ZNF614: variants seen among roughly 807,000 people sequenced by gnomAD.
ZNF614 encodes zinc finger protein 614.
ZNF614 carries 11 observed loss-of-function variants against 12.8 expected under a neutral mutation model. The ratio of observed to expected loss-of-function variants is 0.86; its 90% confidence interval spans 0.54 to 1.43. The LOEUF is 1.43. Ranked by LOEUF, ZNF614 falls within the 40% of genes most tolerant of loss-of-function variation. The pLI is 0.00. For synonymous variants in ZNF614, 237 were observed against 237.5 expected, an observed-to-expected ratio of 1.00 and a Z score of 0.02; for missense variants, 664 against 708.8, an observed-to-expected ratio of 0.94 and a Z score of 0.72.
Position 52,016,110 on chromosome 19 carries a change from A to C in ZNF614, c.1488T>G (p.Tyr496Ter). The stretch of plus-strand genomic sequence containing the variant: ...GAATTCTCTGATGGGTAATGAGGCC[A>C]TATTTGTGTGAATAGGATTTTCCGC... ...TECGKSYSHK[Y>*]GLITHQRIHT... is the part of the protein sequence containing the mutation. The change falls in exon 5 of 5, where the codon TAT becomes TAG. Residue 496 changes from tyrosine (Y) to a stop codon, truncating the protein, a stop_gained. Transcript: ENST00000270649. LOFTEE classifies it low-confidence loss of function (END_TRUNC). The C allele has an allele frequency of 6.2e-7, 1 of 1,614,032 alleles. No individual in the cohort carries two copies. The highest frequency in any genetic ancestry group is 2.2e-5 in the East Asian group (1 of 44,854).
At position 52,016,123 on chromosome 19, in the gene ZNF614, T is replaced by C. The variant is rs772321022; in HGVS notation, c.1475A>G (p.Tyr492Cys). 24 of 1,613,974 alleles carry C rather than the reference T, an allele frequency of 1.5e-5. No homozygotes were observed. The highest frequency in any genetic ancestry group is 9.3e-5 in the African/African-American group (7 of 74,882). ...PFVCTECGKS[Y>C]SHKYGLITHQ... Reference sequence around the variant, plus strand: ...GGTAATGAGGCCATATTTGTGTGAATAGGATTTTCCGCACTCGGTACATAC... The same window carrying C: ...GGTAATGAGGCCATATTTGTGTGAACAGGATTTTCCGCACTCGGTACATAC... The change falls in exon 5 of 5, where the codon TAT becomes TGT. Residue 492 changes from tyrosine (Y) to cysteine (C), a missense_variant. Tyr to Cys is a radical substitution (Grantham distance 194). Transcript: ENST00000270649.
intron 2 of ZNF614, among the ~76,000 whole-genome samples, chr19:52,019,592 A>C (rs1158554579): frequency 6.6e-6 from 1 of 152,228 alleles, no homozygotes; most frequent in Non-Finnish European, 1.5e-5. Flanking sequence ...ACCTACAAAG[A>C]AATAACAAAA....
intron 2 of ZNF614, among the ~76,000 whole-genome samples, chr19:52,022,765 C>T (rs935739089): frequency 6.6e-6 from 1 of 152,068 alleles, no homozygotes; most frequent in South Asian, 2.1e-4. Flanking sequence ...ACCTATGGTA[C>T]CTAGTTAATA....
rs756888439 is a variant in ZNF614, at chr19:52,016,911, T to C, written c.687A>G (p.Gln229=). 5.0e-6 allele frequency: 8 copies of C among 1,614,084 alleles called. 1 individual carries two copies. The highest frequency in any genetic ancestry group is 3.3e-5 in the South Asian group (3 of 91,080). Residue 229 remains glutamine, a synonymous_variant, in exon 5 of 5, where the codon CAA becomes CAG. Coordinates refer to ENST00000270649, the MANE Select transcript of ZNF614 (RefSeq NM_025040.4). ...CACATTGACCACTTCCAGGATTCTCTTGTATACAAATGTTCTCATGGTAAA... is the reference window on the plus strand; with the variant it reads ...CACATTGACCACTTCCAGGATTCTCCTGTATACAAATGTTCTCATGGTAAA... The part of the protein sequence containing the change: ...QLIYHENICI[Q]ENPGSGQCEK...
intron 2 of ZNF614, among the ~76,000 whole-genome samples, chr19:52,022,437 G>C (rs570503284): frequency 6.6e-6 from 1 of 152,208 alleles, no homozygotes; most frequent in East Asian, 1.9e-4. Flanking sequence ...CCCCCGCAAC[G>C]TCTGGGAAGT....
Position 52,025,889 on chromosome 19 carries a change from G to A in ZNF614, c.-144C>T. ...GTCCCCAGAAATTATGATATCCAAG[G>A]CCAGCAACCTCCTTCTTCTTCCTTC... On this transcript the variant is annotated 5_prime_UTR_variant, in exon 2 of 5. Coordinates refer to ENST00000270649, the MANE Select transcript of ZNF614 (RefSeq NM_025040.4). The A allele has an allele frequency of 1.2e-6, 1 of 811,944 alleles. No homozygotes were observed. The highest frequency in any genetic ancestry group is 1.7e-5 in the African/African-American group (1 of 57,626). 50.3% of individuals were successfully genotyped at this position (811,944 alleles called of 1,614,324 possible).
rs1655217336 is a variant in ZNF614 at position 52,015,821 on chromosome 19, G to C, written c.*19C>G. On this transcript the variant is annotated 3_prime_UTR_variant, in exon 5 of 5. Coordinates refer to ENST00000270649, the MANE Select transcript of ZNF614 (RefSeq NM_025040.4). The stretch of plus-strand genomic sequence containing the variant: ...ATTTCCATAGTCACGGCACTAGTAG[G>C]GTTTTCTTCTGCATGAGTTCACTTA... 1.3e-6 allele frequency: 2 copies of C among 1,582,972 alleles called. No homozygotes were observed. Among genetic ancestry groups the C allele is most frequent in the Admixed American group, 1.8e-5 (1 of 55,610 alleles).
At chr19:52,024,629 G>A (rs1047891570) in intron 2 of ZNF614, among the ~76,000 whole-genome samples, 2 of 152,192 alleles carry the variant, frequency 1.3e-5, no homozygotes, top group Non-Finnish European at 2.9e-5. Context: ...CCCTGTGCTC[G>A]CAGAAATATG....
chr19:52,024,619 C>A (rs1330528437), intron 2 of ZNF614, among the ~76,000 whole-genome samples: 1 of 152,204 alleles, frequency 6.6e-6, no homozygotes, highest in African/African-American at 2.4e-5. Flanking sequence ...GTAGCCCTAA[C>A]CCTGTGCTCG....
Position 52,018,057 on chromosome 19 carries a change from T to C in ZNF614, c.189A>G (p.Gly63=), listed in dbSNP as rs2086911439. Residue 63 remains glycine (G), a synonymous_variant, in exon 4 of 5, where the codon GGA becomes GGG. Transcript: ENST00000270649. ...TAGCATCTGTTGTCCATGGTTCTTG[T>C]CCATGTGCCAACTTGGAGAGTACAT... ...KPDVLSKLAH[G]QEPWTTDAKI... is the part of the protein sequence containing the mutation. 3.7e-6 allele frequency: 6 copies of C among 1,614,116 alleles called. No individual in the cohort carries two copies. Among genetic ancestry groups the C allele is most frequent in the Non-Finnish European group, 5.1e-6 (6 of 1,179,984 alleles).
At chr19:52,018,720 A>G (rs1336560831) in intron 2 of ZNF614, among the ~76,000 whole-genome samples, 10 of 152,186 alleles carry the variant, frequency 6.6e-5, no homozygotes, top group Non-Finnish European at 8.8e-5. Context: ...TACATTACCA[A>G]TGACTTCACA....
Position 52,016,748 on chromosome 19 carries a change from C to T in ZNF614, c.850G>A (p.Glu284Lys). The T allele has an allele frequency of 6.2e-7, 1 of 1,614,168 alleles. No individual in the cohort carries two copies. The highest frequency in any genetic ancestry group is 8.5e-7 in the Non-Finnish European group (1 of 1,180,042). Residue 284 changes from glutamate (E) to lysine (K), a missense_variant, in exon 5 of 5, where the codon GAG becomes AAG. Coordinates refer to ENST00000270649, the MANE Select transcript of ZNF614 (RefSeq NM_025040.4). ...CACTCACTGCACATATAGGATTTCT[C>T]TTCTGTATGGGTTTGTTGATGTGTA... is the stretch of plus-strand genomic sequence containing the variant. The part of the protein sequence containing the change: ...LITHQQTHTE[E>K]KSYMCSECGK...
Position 52,017,300 on chromosome 19 carries a change from T to A in ZNF614, c.298A>T (p.Ser100Cys). 2 of 1,613,084 alleles carry A rather than the reference T, an allele frequency of 1.2e-6. No individual in the cohort carries two copies. The highest frequency in any genetic ancestry group is 1.7e-6 in the Non-Finnish European group (2 of 1,179,748). ...TTCTGTCCATTGCATTGCTGCACGC[T>A]CTTCAGAAGTCTTTGGTTTGGAGAG... ...EHSPNQRLLKSVQQCNGQNTL... is the reference protein window; with the variant it reads ...EHSPNQRLLKCVQQCNGQNTL... Residue 100 changes from serine to cysteine, a missense_variant, in exon 5 of 5, where the codon AGC (serine) becomes TGC (cysteine). Physicochemically the swap from Ser to Cys is moderately radical, Grantham distance 112. Transcript: ENST00000270649.
rs1468092728 is a variant in ZNF614 at position 52,017,316 on chromosome 19, G to A, written c.282C>T (p.Asn94=). Residue 94 remains asparagine, a synonymous_variant, in exon 5 of 5, where the codon AAC becomes AAT. Coordinates refer to ENST00000270649, the MANE Select transcript of ZNF614 (RefSeq NM_025040.4). ...VDSHLQEHSP[N]QRLLKSVQQC... ...GCTGCACGCTCTTCAGAAGTCTTTGGTTTGGAGAGTGCTCTTGCAGATGAC... is the reference window on the plus strand; with the variant it reads ...GCTGCACGCTCTTCAGAAGTCTTTGATTTGGAGAGTGCTCTTGCAGATGAC... 6 of 1,610,788 alleles carry A rather than the reference G, an allele frequency of 3.7e-6. No individual in the cohort carries two copies. Among genetic ancestry groups the A allele is most frequent in the Non-Finnish European group, 5.1e-6 (6 of 1,178,642 alleles).
At chr19:52,017,423 G>A (rs1211080012) in intron 4 of ZNF614, 64 bp from the exon 5 acceptor site, 1 of 1,457,184 alleles carries the variant, frequency 6.9e-7, no homozygotes, top group African/African-American at 1.4e-5. Flanking sequence ...TGCTTATGAG[G>A]CCGGGCACGG....
At chr19:52,022,947 G>A (rs959232114) in intron 2 of ZNF614, among the ~76,000 whole-genome samples, 1 of 151,678 alleles carries the variant, frequency 6.6e-6, no homozygotes, top group African/African-American at 2.4e-5. Flanking sequence ...GGGTGTGGTG[G>A]TGGGTGCCTG....
chr19:52,028,084 G>T (rs897451206), intron 1 of ZNF614, among the ~76,000 whole-genome samples, 158 bp downstream of exon 1: 4 of 152,182 alleles, frequency 2.6e-5, no homozygotes, highest in African/African-American at 9.6e-5. Flanking sequence ...ACTCGTCGCT[G>T]ATTTCCTCAG....
rs2086912573 is a variant in ZNF614, at chr19:52,018,217, GA to G, written c.143-115del. Reference sequence around the variant, plus strand: ...ATTTCAAAGTAAGCATTCTGTCTTAGAAGAGATTATACCACTTTGGGGTCAG... The same window carrying G: ...ATTTCAAAGTAAGCATTCTGTCTTAGAGAGATTATACCACTTTGGGGTCAG... On this transcript the variant is annotated intron_variant, in intron 3 of 4. Coordinates refer to ENST00000270649, the MANE Select transcript of ZNF614 (RefSeq NM_025040.4). 4.8e-6 allele frequency: 7 copies of G among 1,458,778 alleles called. No individual in the cohort carries two copies. In the South Asian group the frequency reaches 8.1e-5, roughly 17 times the overall value. The allele number at this position is 1,458,778 out of a possible 1,614,324, so 90.4% of individuals were successfully genotyped here.
intron 2 of ZNF614, among the ~76,000 whole-genome samples, 198 bp downstream of exon 2, chr19:52,025,533 A>G (rs2086965523): frequency 6.6e-6 from 1 of 152,168 alleles, no homozygotes; most frequent in Non-Finnish European, 1.5e-5. Flanking sequence ...CATGTTGCCC[A>G]GGCTGGTCTT....
Sources: allele counts gnomAD v4.1 joint callset (sites outside exome capture counted in the v4.1 genomes callset), GRCh38; gene constraint gnomAD v4.1.1; transcripts MANE v1.5; gene names NCBI Gene and HGNC (gene_info 2026-07-23, HGNC 2026-07-21).